The following SUGCT variants were observed in gnomAD, a reference collection of about 807,000 sequenced individuals.
The protein encoded by SUGCT is succinyl-CoA:glutarate CoA-transferase.
Under a neutral mutation model 55.0 loss-of-function variants are expected in SUGCT, and 41 were observed. That is an observed-to-expected ratio of 0.74 (90% CI 0.58 to 0.97). The LOEUF is 0.97. SUGCT is among the 50% of genes least tolerant of loss of function. The pLI, the probability that SUGCT is intolerant of heterozygous loss-of-function variation, is 0.00. For synonymous variants in SUGCT, 187 were observed against 200.4 expected (o/e 0.93, Z 0.56); for missense variants, 568 against 547.8 (o/e 1.04, Z -0.37).
chr7:40,554,766 C>G (rs1264515448), intron 12 of SUGCT, among the ~76,000 whole-genome samples: 4 of 152,134 alleles, frequency 2.6e-5, no homozygotes, highest in Non-Finnish European at 5.9e-5. Flanking sequence ...TACTTTTGAG[C>G]CTAACAGATT....
intron 12 of SUGCT, among the ~76,000 whole-genome samples, chr7:40,695,698 A>T (rs189106997): frequency 1.3e-5 from 2 of 152,074 alleles, no homozygotes; most frequent in Non-Finnish European, 2.9e-5. Flanking sequence ...TTAAGACAGA[A>T]TTTTTTAGTG....
intron 7 of SUGCT, among the ~76,000 whole-genome samples, chr7:40,238,811 T>A (rs1789174801): frequency 7.1e-6 from 1 of 140,506 alleles, no homozygotes; most frequent in Non-Finnish European, 1.5e-5. Context: ...AAAAAATGTG[T>A]GTGGCCTTTG....
At chr7:40,789,404 A>C (rs546684163) in intron 13 of SUGCT, among the ~76,000 whole-genome samples, 22 of 152,310 alleles carry the variant, frequency 1.4e-4, no homozygotes, top group Non-Finnish European at 2.6e-4. Flanking sequence ...ATAATGTCTT[A>C]AAGGTTCATC....
intron 1 of SUGCT, among the ~76,000 whole-genome samples, chr7:40,139,673 C>T (rs1433086354): frequency 2.6e-5 from 4 of 152,068 alleles, no homozygotes; most frequent in Admixed American, 1.3e-4. Context: ...TCTTCCATTC[C>T]TCAGGTTATC....
At chr7:41,023,498 A>G in the SUGCT span, among the ~76,000 whole-genome samples, 1 of 152,192 alleles carries the variant, frequency 6.6e-6, no homozygotes. Flanking sequence ...ATATTCTTAC[A>G]TAAGAATACA....
intron 12 of SUGCT, among the ~76,000 whole-genome samples, chr7:40,610,475 A>C (rs1798718077): frequency 6.6e-6 from 1 of 152,070 alleles, no homozygotes; most frequent in Admixed American, 6.6e-5. Context: ...TTTGTTGTCT[A>C]TTAGTGAGTG....
At chr7:40,834,289 G>T (rs557026112) in intron 13 of SUGCT, among the ~76,000 whole-genome samples, 4 of 152,220 alleles carry the variant, frequency 2.6e-5, no homozygotes, top group African/African-American at 9.6e-5. Flanking sequence ...GTTTCCCAAA[G>T]ACATACGCTT....
chr7:40,499,472 AT>A (rs201301412), intron 12 of SUGCT: 83 of 186,192 alleles, frequency 4.5e-4, no homozygotes, highest in South Asian at 2.7e-3. Flanking sequence ...AACAGATGAT[AT>A]TTTTTTTTCA....
At chr7:40,992,764 T>C in the SUGCT span, among the ~76,000 whole-genome samples, 54 of 152,310 alleles carry the variant, frequency 3.5e-4, no homozygotes, top group African/African-American at 1.2e-3. Context: ...AATTCTACCC[T>C]AGGTGAGTTA....
intron 9 of SUGCT, among the ~76,000 whole-genome samples, chr7:40,372,579 G>C (rs1331416691): frequency 6.6e-6 from 1 of 151,904 alleles, no homozygotes; most frequent in East Asian, 1.9e-4. Flanking sequence ...ACTCCTGTAG[G>C]CTATAGATTT....
chr7:40,252,220 T>G (rs1790476583), intron 7 of SUGCT, among the ~76,000 whole-genome samples: 2 of 152,268 alleles, frequency 1.3e-5, no homozygotes, highest in South Asian at 4.1e-4. Flanking sequence ...GTCGAGCTCC[T>G]GAGCTGAAGT....
chr7:40,816,167 G>A (rs1195409080), intron 13 of SUGCT, among the ~76,000 whole-genome samples: 5 of 152,194 alleles, frequency 3.3e-5, no homozygotes, highest in South Asian at 4.1e-4. Flanking sequence ...TCTACAGTTC[G>A]GGCTGTGGAG....
chr7:40,233,820 T>C (rs1397041531), intron 6 of SUGCT, among the ~76,000 whole-genome samples: 1 of 152,222 alleles, frequency 6.6e-6, no homozygotes, highest in Non-Finnish European at 1.5e-5. Context: ...ATCTATGAGA[T>C]AAATGTGAAT....
chr7:40,397,093 T>C (rs1230779325), intron 9 of SUGCT, among the ~76,000 whole-genome samples: 2 of 152,138 alleles, frequency 1.3e-5, no homozygotes, highest in Non-Finnish European at 2.9e-5. Flanking sequence ...TGATGATAGA[T>C]TACTGAAATG....
chr7:40,841,115 G>A (rs1434575283), intron 13 of SUGCT, among the ~76,000 whole-genome samples: 1 of 151,506 alleles, frequency 6.6e-6, no homozygotes, highest in Non-Finnish European at 1.5e-5. Flanking sequence ...GATTCAAAAT[G>A]TCATGTGGGA....
the SUGCT span, among the ~76,000 whole-genome samples, chr7:40,887,887 G>A: frequency 1.3e-5 from 2 of 152,156 alleles, no homozygotes; most frequent in Non-Finnish European, 2.9e-5. Flanking sequence ...ATGTGGTACC[G>A]GAAAGTGGGG....
chr7:40,674,274 A>G (rs1802085530), intron 12 of SUGCT, among the ~76,000 whole-genome samples: 1 of 152,220 alleles, frequency 6.6e-6, no homozygotes, highest in East Asian at 1.9e-4. Flanking sequence ...TTGTAGTGCA[A>G]GCTCCCTATT....
the SUGCT span, among the ~76,000 whole-genome samples, chr7:40,932,557 C>CT: frequency 0.051 from 7,733 of 152,112 alleles, 291 homozygotes; most frequent in South Asian, 0.16. Flanking sequence ...GTGTGGGAGT[C>CT]TAAGTCTCTT....
chr7:40,866,212 C>T, the SUGCT span, among the ~76,000 whole-genome samples: 1 of 152,166 alleles, frequency 6.6e-6, no homozygotes, highest in East Asian at 1.9e-4. Context: ...ACCCCTCTTA[C>T]CTCTTTGTGA....
Sources: allele counts gnomAD v4.1 joint callset (sites outside exome capture counted in the v4.1 genomes callset), GRCh38; gene constraint gnomAD v4.1.1; transcripts MANE v1.5; gene names NCBI Gene and HGNC (gene_info 2026-07-23, HGNC 2026-07-21).